NCOR1: variants seen among roughly 807,000 people sequenced by gnomAD.
The protein encoded by NCOR1 is nuclear receptor corepressor 1.
In NCOR1, 63 loss-of-function variants were observed where a neutral mutation model predicts 288.1. That is an observed-to-expected ratio of 0.22 (90% CI 0.18 to 0.27). The LOEUF (loss-of-function observed/expected upper bound fraction) is 0.27, where lower values mean the gene tolerates loss of function less well. NCOR1 is among the 10% of genes least tolerant of loss of function. The pLI is 1.00. For synonymous variants in NCOR1, 1,007 were observed against 1,065.9 expected, an observed-to-expected ratio of 0.94 and a Z score of 1.08; for missense variants, 2,397 against 3,019.2, an observed-to-expected ratio of 0.79 and a Z score of 4.83.
rs752976899 is a variant in NCOR1 at position 16,032,417 on chromosome 17, A to G, written c.7202T>C (p.Ile2401Thr). The change falls in exon 46 of 46, where the codon ATT becomes ACT. Residue 2401 changes from isoleucine to threonine, a missense_variant. By Grantham distance (89) the Ile-to-Thr change is moderately conservative. Transcript: ENST00000268712. ...RMLSSTPPTP[I>T]ACAPSAVNQA... ...GTTCACCGCAGAGGGAGCACATGCA[A>G]TCGGTGTTGGTGGAGTACTGCTGAG... 82 of 1,613,934 alleles carry G rather than the reference A, an allele frequency of 5.1e-5. No homozygotes were observed. The highest frequency in any genetic ancestry group is 6.7e-5 in the East Asian group (3 of 44,878).
rs1005721837 is a variant in NCOR1 at position 16,194,526 on chromosome 17, G to A, written c.44C>T (p.Thr15Ile). The change falls in exon 2 of 46, where the codon ACA becomes ATA. Residue 15 changes from threonine (T) to isoleucine (I), a missense_variant. Thr to Ile is a moderately conservative substitution (Grantham distance 89). Transcript: ENST00000268712. ...GTGAGGAGGATAACGACTTTGTTCT[G>A]TGCTGAATGCTCCTTGGTTGGGAGG... is the stretch of plus-strand genomic sequence containing the variant. Reference protein sequence around the residue: ...GYPPNQGAFSTEQSRYPPHSV... With the variant: ...GYPPNQGAFSIEQSRYPPHSV... 2 of 1,610,320 alleles carry A rather than the reference G, an allele frequency of 1.2e-6. No homozygotes were observed. The highest frequency in any genetic ancestry group is 2.7e-5 in the African/African-American group (2 of 74,878).
chr17:16,196,837 A>G (rs1218566268), intron 1 of NCOR1, among the ~76,000 whole-genome samples: 3 of 150,382 alleles, frequency 2.0e-5, no homozygotes, highest in South Asian at 4.2e-4. Flanking sequence ...AAAAAAAAAA[A>G]AAAGAAAAGA....
In NCOR1 at chr17:16,070,206, G is replaced by T; in HGVS notation, c.4472C>A (p.Thr1491Asn). Reference sequence around the variant, plus strand: ...CATCATGGGTGAGCCTCTGGACATGGTGTTTTGATAACTCACAGGGGTCCT... The same window carrying T: ...CATCATGGGTGAGCCTCTGGACATGTTGTTTTGATAACTCACAGGGGTCCT... ...ARRTPVSYQNTMSRGSPMMNR... is the reference protein window; with the variant it reads ...ARRTPVSYQNNMSRGSPMMNR... Residue 1491 changes from threonine (T) to asparagine (N), a missense_variant, in exon 31 of 46, where the codon ACC (threonine) becomes AAC (asparagine). Physicochemically the swap from Thr to Asn is moderately conservative, Grantham distance 65. Transcript: ENST00000268712. 6.2e-7 allele frequency: 1 copy of T among 1,613,596 alleles called. No individual in the cohort carries two copies. Among genetic ancestry groups the T allele is most frequent in the Non-Finnish European group, 8.5e-7 (1 of 1,179,970 alleles).
At chr17:16,135,741 G>C (rs528514275) in intron 14 of NCOR1, among the ~76,000 whole-genome samples, 4 of 152,154 alleles carry the variant, frequency 2.6e-5, no homozygotes, top group Non-Finnish European at 5.9e-5. Flanking sequence ...ATCACATCAT[G>C]TGGGGTGGTG....
chr17:16,032,076 C>A lies in NCOR1; in HGVS notation c.*220G>T. 2.0e-6 allele frequency: 1 copy of A among 504,202 alleles called. No individual in the cohort carries two copies. The highest frequency in any genetic ancestry group is 2.8e-5 in the South Asian group (1 of 35,240). The allele number at this position is 504,202 out of a possible 1,614,324, so 31.2% of individuals were successfully genotyped here. ...TCAACCCTCCACTATTATTATAGTC[C>A]ACTGAATTGCCTGTATCAAAGGCAG... is the stretch of plus-strand genomic sequence containing the variant. On this transcript the variant is annotated 3_prime_UTR_variant, in exon 46 of 46. Transcript: ENST00000268712.
intron 5 of NCOR1, among the ~76,000 whole-genome samples, chr17:16,161,131 T>G (rs1037793951): frequency 9.2e-5 from 14 of 152,016 alleles, no homozygotes; most frequent in African/African-American, 3.1e-4. Context: ...TCTTTTAGAA[T>G]CCTTGTTAAG....
At chr17:16,208,619 G>A (rs576211755) in intron 1 of NCOR1, among the ~76,000 whole-genome samples, 2 of 151,982 alleles carry the variant, frequency 1.3e-5, no homozygotes, top group South Asian at 4.2e-4. Flanking sequence ...AGGAGGCCAA[G>A]GTGGGAGGAT....
chr17:16,108,655 T>C (rs966224871), intron 19 of NCOR1, 131 bp downstream of exon 19: 17 of 632,880 alleles, frequency 2.7e-5, no homozygotes, highest in Non-Finnish European at 3.0e-5. Flanking sequence ...ATGTTCAAGT[T>C]TGAAGTCTCC....
chr17:16,140,866 C>T (rs2077048725), intron 11 of NCOR1, among the ~76,000 whole-genome samples: 1 of 151,742 alleles, frequency 6.6e-6, no homozygotes, highest in Non-Finnish European at 1.5e-5. Flanking sequence ...AGTGGTGTAC[C>T]AGTAGTCCCA....
At chr17:16,148,749 G>C (rs1405057269) in intron 9 of NCOR1, among the ~76,000 whole-genome samples, 1 of 130,628 alleles carries the variant, frequency 7.7e-6, no homozygotes, top group Non-Finnish European at 1.6e-5. Flanking sequence ...TAGAACATTA[G>C]ACGTTTTCCA....
chr17:16,039,900 C>G (rs1291317024), intron 43 of NCOR1: 1 of 447,808 alleles, frequency 2.2e-6, no homozygotes, highest in Non-Finnish European at 4.1e-6. Context: ...AAGGGATTCT[C>G]CTACCTCAGT....
At chr17:16,150,359 A>T (rs2078657606) in intron 8 of NCOR1, among the ~76,000 whole-genome samples, 1 of 152,198 alleles carries the variant, frequency 6.6e-6, no homozygotes, top group African/African-American at 2.4e-5. Context: ...TATTTCATAC[A>T]AAGCAAATGA....
Position 16,153,455 on chromosome 17 carries a change from T to C in NCOR1, c.733-60A>G, listed in dbSNP as rs574790806. On this transcript the variant is annotated intron_variant, in intron 6 of 45. Transcript: ENST00000268712. ...AAAATTACATTATCTAAGTGCAAAA[T>C]AATTATTTAGAAATATTTATCTAAG... 1.6e-5 allele frequency: 18 copies of C among 1,132,664 alleles called. No homozygotes were observed. In the African/African-American group the frequency reaches 2.5e-4, roughly 16 times the overall value. 70.2% of individuals were successfully genotyped at this position (1,132,664 alleles called of 1,614,324 possible). A position where few individuals can be genotyped will look rare whatever the true frequency, so the allele number is the denominator to read the frequency against.
intron 3 of NCOR1, among the ~76,000 whole-genome samples, chr17:16,185,774 T>C (rs1354482592): frequency 6.7e-6 from 1 of 148,470 alleles, no homozygotes; most frequent in East Asian, 2.0e-4. Flanking sequence ...AAGACTAGCC[T>C]GGGCAACATG....
rs1408068805 is a variant in NCOR1 at position 16,118,697 on chromosome 17, G to A, written c.1916-670C>T. ...ATGAAATGTGTCACTCAAATGTCAA[G>A]CTATTTACAATAATTTATCTTTACA... On this transcript the variant is annotated intron_variant, in intron 17 of 45. Coordinates refer to ENST00000268712, the MANE Select transcript of NCOR1 (RefSeq NM_006311.4). 2.6e-5 allele frequency among the ~76,000 whole-genome samples: 4 copies of A among 152,242 alleles called. No homozygotes were observed. In the East Asian group the frequency reaches 7.7e-4, roughly 29 times the overall value.
chr17:16,200,941 G>A (rs543259903), intron 1 of NCOR1, among the ~76,000 whole-genome samples: 2 of 152,288 alleles, frequency 1.3e-5, no homozygotes, highest in African/African-American at 2.4e-5. Flanking sequence ...CAGCATGCAG[G>A]AGAGGAAAGA....
chr17:16,049,852 C>T (rs1052919920), intron 40 of NCOR1, among the ~76,000 whole-genome samples: 5 of 152,108 alleles, frequency 3.3e-5, no homozygotes, highest in Non-Finnish European at 7.4e-5. Context: ...GCTAGGATTA[C>T]AGGCCTGAGC....
rs150909544 is a variant in NCOR1 at position 16,101,716 on chromosome 17, T to A, written c.2224A>T (p.Thr742Ser). Residue 742 changes from threonine to serine, a missense_variant, in exon 20 of 46, where the codon ACT (threonine) becomes TCT (serine). Coordinates refer to ENST00000268712, the MANE Select transcript of NCOR1 (RefSeq NM_006311.4). Reference sequence around the variant, plus strand: ...GCAGGTTCTGTGTTTCCTCGAGAAGTAGCATTTTCAGGACTGTCCTCGCTG... The same window carrying A: ...GCAGGTTCTGTGTTTCCTCGAGAAGAAGCATTTTCAGGACTGTCCTCGCTG... Reference protein sequence around the residue: ...KPSEDSPENATSRGNTEPAVE... With the variant: ...KPSEDSPENASSRGNTEPAVE... The A allele has an allele frequency of 6.2e-7, 1 of 1,614,176 alleles. No homozygotes were observed. The highest frequency in any genetic ancestry group is 8.5e-7 in the Non-Finnish European group (1 of 1,180,020).
chr17:16,057,829 T>C (rs767562847), intron 39 of NCOR1, 78 bp downstream of exon 39: 9 of 1,483,454 alleles, frequency 6.1e-6, no homozygotes, highest in Non-Finnish European at 8.1e-6. Flanking sequence ...TTATTATAAA[T>C]TTCTTTTTCT....
Sources: allele counts gnomAD v4.1 joint callset (sites outside exome capture counted in the v4.1 genomes callset), GRCh38; gene constraint gnomAD v4.1.1; transcripts MANE v1.5; gene names NCBI Gene and HGNC (gene_info 2026-07-23, HGNC 2026-07-21).